DNAI3: variants seen among roughly 807,000 people sequenced by gnomAD.
DNAI3 encodes the protein WD repeat domain 63.
DNAI3 carries 83 observed loss-of-function variants against 115.5 expected under a neutral mutation model. The ratio of observed to expected loss-of-function variants is 0.72; its 90% CI spans 0.60 to 0.86. The LOEUF (loss-of-function observed/expected upper bound fraction) is 0.86, where lower values mean the gene tolerates loss of function less well. Among genes scored for constraint, DNAI3 ranks in the 40% least tolerant of loss-of-function variants. The pLI is 0.00. For synonymous variants in DNAI3, 320 were observed against 347.0 expected (o/e 0.92, Z 0.86); for missense variants, 1,004 against 1,075.8 (o/e 0.93, Z 0.93).
Position 85,130,667 on chromosome 1 carries a change from TGATAGATAGATAGATA to T in DNAI3, c.2532+592_2532+607del, listed in dbSNP as rs71736981. On this transcript the variant is annotated intron_variant, in intron 22 of 22. Coordinates refer to ENST00000294664, the MANE Select transcript of DNAI3 (RefSeq NM_145172.5). ...AATGATAGATGATAGATTAGATAGATGATAGATAGATAGATAGATAGATAGATAGATAGATAGATAG... is the reference window on the plus strand; with the variant it reads ...AATGATAGATGATAGATTAGATAGATGATAGATAGATAGATAGATAGATAG... Among the ~76,000 whole-genome samples, 820 of 148,468 alleles carry T rather than the reference TGATAGATAGATAGATA, an allele frequency of 5.5e-3. 3 individuals are homozygous for T. Among genetic ancestry groups the T allele is most frequent in the African/African-American group, 0.016 (644 of 40,284 alleles).
rs980294168 is a variant in DNAI3, at chr1:85,097,496, A to G, written c.1264-73A>G. ...GATTGACTTATCAGGCTACAAACCA[A>G]TAGTTAAAAGAAAATTAAGACTCAA... On this transcript the variant is annotated intron_variant, in intron 11 of 22. Transcript: ENST00000294664. 4.3e-6 allele frequency: 6 copies of G among 1,403,886 alleles called. No individual in the cohort carries two copies. In the African/African-American group the frequency reaches 7.3e-5, roughly 17 times the overall value. 87.0% of individuals were successfully genotyped at this position (1,403,886 alleles called of 1,614,324 possible).
At chr1:85,095,577 C>T (rs1655098202) in intron 10 of DNAI3, among the ~76,000 whole-genome samples, 1 of 152,182 alleles carries the variant, frequency 6.6e-6, no homozygotes, top group Non-Finnish European at 1.5e-5. Context: ...AGATCCTGTC[C>T]TCACAGAGCT....
chr1:85,123,441 A>G (rs1452145022), intron 18 of DNAI3, among the ~76,000 whole-genome samples: 1 of 152,100 alleles, frequency 6.6e-6, no homozygotes, highest in Non-Finnish European at 1.5e-5. Context: ...AAATGACCAG[A>G]TTGCTGTCGG....
In DNAI3 at chr1:85,074,226, C is replaced by T. The variant is rs531756573; in HGVS notation, c.103+1134C>T. ...TCCTCACATCGGTTAGTTCCCAAGG[C>T]TCCTATTTGATATCACTGCTTCCAC... On this transcript the variant is annotated intron_variant, in intron 3 of 22. Transcript: ENST00000294664. Among the ~76,000 whole-genome samples, 8 of 152,278 alleles carry T rather than the reference C, an allele frequency of 5.3e-5. No homozygotes were observed. In the South Asian group the frequency reaches 1.7e-3, roughly 32 times the overall value.
At position 85,114,851 on chromosome 1, in the gene DNAI3, A is replaced by G. The variant is rs144773629; in HGVS notation, c.1787-2878A>G. Among the ~76,000 whole-genome samples the G allele has an allele frequency of 2.3e-3, 343 of 152,276 alleles. 1 individual carries two copies. The highest frequency in any genetic ancestry group is 8.0e-3 in the African/African-American group (333 of 41,548). ...TAGTGTCAGTGTCTGGTACTCTGTCACTATCTAATGGCCAGGGACCACCCA... is the reference window on the plus strand; with the variant it reads ...TAGTGTCAGTGTCTGGTACTCTGTCGCTATCTAATGGCCAGGGACCACCCA... On this transcript the variant is annotated intron_variant, in intron 16 of 22. Coordinates refer to ENST00000294664, the MANE Select transcript of DNAI3 (RefSeq NM_145172.5).
intron 5 of DNAI3, 99 bp downstream of exon 5, chr1:85,082,503 T>A: frequency 1.1e-6 from 1 of 911,470 alleles, no homozygotes; most frequent in Non-Finnish European, 1.7e-6. Flanking sequence ...TAGAGTGCAG[T>A]GGCACAATCA....
At position 85,098,588 on chromosome 1, in the gene DNAI3, C is replaced by T; in HGVS notation, c.1409C>T (p.Ala470Val). 2.5e-6 allele frequency: 4 copies of T among 1,613,480 alleles called. No homozygotes were observed. Among genetic ancestry groups the T allele is most frequent in the Non-Finnish European group, 3.4e-6 (4 of 1,179,662 alleles). ...NKEAMYIRHC[A>V]VSSIENGHKK... ...GAAGCAATGTATATCAGACACTGTG[C>T]AGTCTCTTCAATAGAAAATGGACAT... The change falls in exon 13 of 23, where the codon GCA becomes GTA. Residue 470 changes from alanine (A) to valine (V), a missense_variant. By Grantham distance (64) the Ala-to-Val change is moderately conservative. Around this residue, in one of 3 missense-constraint regions of DNAI3, gnomAD observed 550 missense variants for 568.1 expected, o/e 0.97. Transcript: ENST00000294664.
chr1:85,097,583 T>C lies in DNAI3; in HGVS notation c.1278T>C (p.Asp426=). ...TTCCATTTTAGATTGTCATGTGGGA[T>C]ATCACCGCACATGCAGATCGCATAG... ...GCINGQIVMW[D]ITAHADRIEN... Residue 426 remains aspartate (D), a synonymous_variant, in exon 12 of 23, where the codon GAT becomes GAC. Transcript: ENST00000294664. The C allele has an allele frequency of 1.9e-6, 3 of 1,611,356 alleles. No homozygotes were observed. The highest frequency in any genetic ancestry group is 2.5e-6 in the Non-Finnish European group (3 of 1,179,142).
chr1:85,120,683 GT>G (rs1655971115), intron 17 of DNAI3, among the ~76,000 whole-genome samples: 1 of 152,162 alleles, frequency 6.6e-6, no homozygotes, highest in African/African-American at 2.4e-5. Flanking sequence ...TCAAGAAGTG[GT>G]ATCCGTGAGG....
At position 85,072,678 on chromosome 1, in the gene DNAI3, G is replaced by A. The variant is rs545633609; in HGVS notation, c.65-376G>A. Reference sequence around the variant, plus strand: ...AAGAAAAATAAAAAAAAGATTGGCCGGGCACAGTGGCTCACGCCTGTAATC... The same window carrying A: ...AAGAAAAATAAAAAAAAGATTGGCCAGGCACAGTGGCTCACGCCTGTAATC... On this transcript the variant is annotated intron_variant, in intron 2 of 22. Transcript: ENST00000294664. Among the ~76,000 whole-genome samples, 202 of 146,894 alleles carry A rather than the reference G, an allele frequency of 1.4e-3. 2 individuals are homozygous for A. The highest frequency in any genetic ancestry group is 2.7e-3 in the African/African-American group (106 of 39,988).
In DNAI3 at chr1:85,093,590, C is replaced by T. The variant is rs1226541185; in HGVS notation, c.990C>T (p.Asp330=). Residue 330 remains aspartate (D), a synonymous_variant, in exon 9 of 23, where the codon GAC becomes GAT. Transcript: ENST00000294664. ...THLKEYQSFT[D]LHSPTEKMIT... ...TGAAAGAGTACCAGTCCTTTACCGA[C>T]CTTCATAGCCCAACGGAGAAAATGA... The T allele has an allele frequency of 3.7e-6, 6 of 1,614,074 alleles. No homozygotes were observed. The East Asian group carries it at 1.3e-4, about 36-fold the overall frequency.
chr1:85,080,235 T>G lies in DNAI3; in HGVS notation c.104-999T>G, dbSNP rs144935590. ...CCTGGCTAATTTTTTGTATTTTTAG[T>G]AGAGATGGGGTTTCACTGTATTAGC... On this transcript the variant is annotated intron_variant, in intron 3 of 22. Coordinates refer to ENST00000294664, the MANE Select transcript of DNAI3 (RefSeq NM_145172.5). Among the ~76,000 whole-genome samples the G allele has an allele frequency of 2.3e-3, 353 of 151,896 alleles. 16 individuals are homozygous for G. In the East Asian group the frequency reaches 0.058, roughly 25 times the overall value.
intron 11 of DNAI3, among the ~76,000 whole-genome samples, chr1:85,096,563 A>G (rs1448486682): frequency 6.7e-6 from 1 of 150,124 alleles, no homozygotes; most frequent in Non-Finnish European, 1.5e-5. Context: ...GTTTGCTTTT[A>G]TCTTCTTTTT....
Position 85,093,574 on chromosome 1 carries a change from A to G in DNAI3, c.974A>G (p.Tyr325Cys). 6.2e-7 allele frequency: 1 copy of G among 1,614,210 alleles called. No individual in the cohort carries two copies. ...AAGACCGATACCCACCTGAAAGAGT[A>G]CCAGTCCTTTACCGACCTTCATAGC... ...GDKTDTHLKE[Y>C]QSFTDLHSPT... The change falls in exon 9 of 23, where the codon TAC becomes TGC. Residue 325 changes from tyrosine (Y) to cysteine (C), a missense_variant. Tyr to Cys is a radical substitution (Grantham distance 194). This residue lies in a region of DNAI3 where 550 missense variants were observed against 568.1 expected (regional missense o/e 0.97). Coordinates refer to ENST00000294664, the MANE Select transcript of DNAI3 (RefSeq NM_145172.5).
chr1:85,084,656 A>G lies in DNAI3; in HGVS notation c.501A>G (p.Lys167=). The G allele has an allele frequency of 6.4e-7, 1 of 1,553,730 alleles. No homozygotes were observed. The highest frequency in any genetic ancestry group is 8.7e-7 in the Non-Finnish European group (1 of 1,149,536). ...CATGGGTTTCTTTGGGCAGTGAAAA[A>G]GAAATTGAGGAAGAATCAGTTACGG... The part of the protein sequence containing the change: ...SKPWVSLGSE[K]EIEEESVTES... The change falls in exon 6 of 23, where the codon AAA becomes AAG. Residue 167 remains lysine (K), a synonymous_variant. Coordinates refer to ENST00000294664, the MANE Select transcript of DNAI3 (RefSeq NM_145172.5).
chr1:85,093,420 C>T, intron 8 of DNAI3, 38 bp from the exon 9 acceptor site: 5 of 1,576,122 alleles, frequency 3.2e-6, no homozygotes, highest in Non-Finnish European at 4.3e-6. Context: ...ATACTAAAAA[C>T]CAATATCTTA....
chr1:85,075,247 T>C (rs951987591), intron 3 of DNAI3, among the ~76,000 whole-genome samples: 1 of 152,126 alleles, frequency 6.6e-6, no homozygotes, highest in Admixed American at 6.5e-5. Flanking sequence ...TCTGTCTAGA[T>C]TGGATACCCT....
Position 85,094,413 on chromosome 1 carries a change from TA to T in DNAI3, c.1049-17del. 1.9e-6 allele frequency: 3 copies of T among 1,613,908 alleles called. No individual in the cohort carries two copies. The highest frequency in any genetic ancestry group is 2.5e-6 in the Non-Finnish European group (3 of 1,179,908). On this transcript the variant is annotated splice_polypyrimidine_tract_variant and intron_variant, in intron 9 of 22. Transcript: ENST00000294664. ...TATAGTTGCTGCCAACTTTAATTTCTACATGTGTTTCCATCAGGGCTAATAG... is the reference window on the plus strand; with the variant it reads ...TATAGTTGCTGCCAACTTTAATTTCTCATGTGTTTCCATCAGGGCTAATAG...
At position 85,073,017 on chromosome 1, in the gene DNAI3, A is replaced by C. The variant is rs540382509; in HGVS notation, c.65-37A>C. On this transcript the variant is annotated intron_variant, in intron 2 of 22. Transcript: ENST00000294664. Reference sequence around the variant, plus strand: ...TAATAAATTGAGATGTATTTGATTCAAAAATGTAAATTTGACTTCCTTTTA... The same window carrying C: ...TAATAAATTGAGATGTATTTGATTCCAAAATGTAAATTTGACTTCCTTTTA... The C allele has an allele frequency of 1.5e-5, 20 of 1,373,696 alleles. No individual in the cohort carries two copies. In the South Asian group the frequency reaches 2.5e-4, roughly 18 times the overall value. 85.1% of individuals were successfully genotyped at this position (1,373,696 alleles called of 1,614,324 possible).
Sources: gnomAD v4.1 joint callset for allele counts (sites outside exome capture counted in the v4.1 genomes callset) on GRCh38, gnomAD v4.1.1 for gene constraint, gnomAD v4.1.1 regional missense constraint, MANE v1.5 for transcripts, NCBI Gene and HGNC (gene_info 2026-07-23, HGNC 2026-07-21) for gene names.